The following CAST variants were observed in gnomAD, a reference collection of about 807,000 sequenced individuals.
CAST encodes calpastatin.
CAST carries 76 observed loss-of-function variants against 119.6 expected under a neutral mutation model. That is an observed-to-expected ratio of 0.64 (90% CI 0.53 to 0.77). The LOEUF (loss-of-function observed/expected upper bound fraction) is 0.77, where lower values mean the gene tolerates loss of function less well. CAST is among the 30% of genes least tolerant of loss of function. CAST has a pLI of 0.00. For synonymous variants in CAST, 319 were observed against 331.6 expected (o/e 0.96, Z 0.41); for missense variants, 953 against 946.5 (o/e 1.01, Z -0.09).
the CAST span, among the ~76,000 whole-genome samples, chr5:96,281,210 A>G: frequency 1.1e-4 from 17 of 152,192 alleles, no homozygotes; most frequent in African/African-American, 3.9e-4. Flanking sequence ...TGTTGTTGCA[A>G]ATGACAGAAA....
At chr5:96,350,790 C>T in the CAST span, among the ~76,000 whole-genome samples, 1 of 152,112 alleles carries the variant, frequency 6.6e-6, no homozygotes, top group African/African-American at 2.4e-5. Context: ...TTAAAAGGAA[C>T]AGCACATTTC....
At chr5:96,249,072 A>G in the CAST span, among the ~76,000 whole-genome samples, 1 of 152,238 alleles carries the variant, frequency 6.6e-6, no homozygotes, top group Non-Finnish European at 1.5e-5. Context: ...CATAGTTGCT[A>G]CATGCTATTT....
the CAST span, among the ~76,000 whole-genome samples, chr5:96,044,805 C>T: frequency 6.6e-6 from 1 of 152,068 alleles, no homozygotes; most frequent in East Asian, 1.9e-4. Context: ...GAATACTATA[C>T]AGCAATGAGA....
At chr5:96,067,931 T>C in the CAST span, among the ~76,000 whole-genome samples, 1 of 150,600 alleles carries the variant, frequency 6.6e-6, no homozygotes, top group African/African-American at 2.4e-5. Context: ...GAGAGTGAAA[T>C]GGCTTTTAAA....
the CAST span, among the ~76,000 whole-genome samples, chr5:96,299,557 C>T: frequency 6.6e-6 from 1 of 152,154 alleles, no homozygotes. Flanking sequence ...AATCCTCTTT[C>T]CTCCTCCACA....
chr5:96,084,019 G>A, the CAST span, among the ~76,000 whole-genome samples: 1 of 152,218 alleles, frequency 6.6e-6, no homozygotes, highest in Non-Finnish European at 1.5e-5. Context: ...GCGTTAAAAT[G>A]TGTAAAGCAT....
At chr5:96,756,212 C>T (rs1156259868) in intron 22 of CAST, among the ~76,000 whole-genome samples, 5 of 152,176 alleles carry the variant, frequency 3.3e-5, no homozygotes, top group Admixed American at 3.3e-4. Flanking sequence ...CACAACCTCC[C>T]CTTCCAGACG....
the CAST span, chr5:96,399,100 A>G: frequency 6.1e-6 from 7 of 1,138,250 alleles, no homozygotes; most frequent in Middle Eastern, 2.1e-4. Flanking sequence ...TTTTATGCAT[A>G]TCTGCATGCA....
chr5:96,535,564 ATTTTTTTTTT>A (rs767087154), intron 1 of CAST, among the ~76,000 whole-genome samples: 2 of 88,428 alleles, frequency 2.3e-5, no homozygotes, highest in African/African-American at 1.0e-4. Flanking sequence ...TAAATAAACA[ATTTTTTTTTT>A]TTTTTTTTTT....
rs1484601850 is a variant in CAST, at chr5:96,773,827, T to G, written c.*1211T>G. On this transcript the variant is annotated 3_prime_UTR_variant, in exon 32 of 32. Transcript: ENST00000675179. Reference sequence around the variant, plus strand: ...ACATAACATAAAACAGATTGGGAATTTATTGTTTCCAAAGGGCATGGCCTT... The same window carrying G: ...ACATAACATAAAACAGATTGGGAATGTATTGTTTCCAAAGGGCATGGCCTT... The G allele has an allele frequency of 6.6e-6, 1 of 152,270 alleles. No homozygotes were observed. Among genetic ancestry groups the G allele is most frequent in the Non-Finnish European group, 1.5e-5 (1 of 67,998 alleles). The allele number at this position is 152,270 out of a possible 1,614,324, so 9.4% of individuals were successfully genotyped here. A position where few individuals can be genotyped will look rare whatever the true frequency, so the allele number is the denominator to read the frequency against.
chr5:96,747,402 T>TA lies in CAST; in HGVS notation c.1332+11dup, dbSNP rs757964084. On this transcript the variant is annotated intron_variant, in intron 18 of 31. Coordinates refer to ENST00000675179, the MANE Select transcript of CAST (RefSeq NM_001750.7). Reference sequence around the variant, plus strand: ...TGAAGAAAAACCCAAGGTTAGGAAATACATTTTTTTCTGATACTTAAAGAA... The same window carrying TA: ...TGAAGAAAAACCCAAGGTTAGGAAATAACATTTTTTTCTGATACTTAAAGAA... The TA allele has an allele frequency of 1.9e-6, 3 of 1,549,750 alleles. No homozygotes were observed. The highest frequency in any genetic ancestry group is 2.7e-5 in the African/African-American group (2 of 73,500).
intron 21 of CAST, among the ~76,000 whole-genome samples, 165 bp downstream of exon 21, chr5:96,754,326 A>T (rs1246113062): frequency 6.6e-6 from 1 of 152,248 alleles, no homozygotes. Context: ...AACCTGAATA[A>T]GCTGCAGTGT....
At chr5:96,047,691 G>A in the CAST span, among the ~76,000 whole-genome samples, 1 of 152,062 alleles carries the variant, frequency 6.6e-6, no homozygotes, top group Admixed American at 6.6e-5. Context: ...TAAGTACCTG[G>A]GATATATTGA....
chr5:96,280,818 C>T, the CAST span, among the ~76,000 whole-genome samples: 1 of 151,760 alleles, frequency 6.6e-6, no homozygotes, highest in Non-Finnish European at 1.5e-5. Context: ...AACACTAAGC[C>T]CCTGTTACCT....
At chr5:95,976,934 T>G in the CAST span, among the ~76,000 whole-genome samples, 8 of 152,190 alleles carry the variant, frequency 5.3e-5, no homozygotes, top group Admixed American at 5.2e-4. Flanking sequence ...GCCCTATCAT[T>G]TATTAATGTA....
At chr5:96,225,613 T>A in the CAST span, among the ~76,000 whole-genome samples, 2 of 152,206 alleles carry the variant, frequency 1.3e-5, no homozygotes, top group African/African-American at 4.8e-5. Context: ...TGATGAGTTA[T>A]CTTATACCCA....
At chr5:96,312,190 C>T in the CAST span, among the ~76,000 whole-genome samples, 1 of 152,056 alleles carries the variant, frequency 6.6e-6, no homozygotes, top group African/African-American at 2.4e-5. Flanking sequence ...AACAACCTTA[C>T]ACTTTTACTC....
intron 22 of CAST, among the ~76,000 whole-genome samples, chr5:96,756,424 T>C (rs1419235833): frequency 6.6e-6 from 1 of 152,218 alleles, no homozygotes; most frequent in Non-Finnish European, 1.5e-5. Context: ...TGATCCAAGT[T>C]GAATATCCCT....
At chr5:96,615,385 C>T (rs770220474) in intron 1 of CAST, among the ~76,000 whole-genome samples, 1 of 152,240 alleles carries the variant, frequency 6.6e-6, no homozygotes, top group African/African-American at 2.4e-5. Flanking sequence ...CCTTACTCTG[C>T]CATAACCATC....
Sources: allele counts gnomAD v4.1 joint callset (sites outside exome capture counted in the v4.1 genomes callset), GRCh38; gene constraint gnomAD v4.1.1; transcripts MANE v1.5; gene names NCBI Gene and HGNC (gene_info 2026-07-23, HGNC 2026-07-21).